Variants in BLK observed in about 807,000 individuals in gnomAD.
BLK encodes the protein tyrosine-protein kinase Blk.
A neutral mutation model predicts 61.8 loss-of-function variants in BLK; 64 were observed. The observed-to-expected ratio is 1.03, with a 90% CI of 0.85 to 1.27. BLK has a LOEUF of 1.27. BLK is among the 50% of genes most tolerant of loss of function. The probability of loss-of-function intolerance (pLI) is 0.00; values close to 1 mark genes in which losing one functional copy is unlikely to be tolerated. For missense variants in BLK, 853 were observed against 660.5 expected (o/e 1.29, Z -3.19); for synonymous variants, 351 against 272.0 (o/e 1.29, Z -2.86).
intron 9 of BLK, among the ~76,000 whole-genome samples, chr8:11,557,350 T>A (rs758034639): frequency 1.3e-5 from 2 of 152,188 alleles, no homozygotes; most frequent in African/African-American, 2.4e-5. Flanking sequence ...ACACTGCTCC[T>A]ATAGGATCCT....
At chr8:11,506,275 A>G (rs2280805) in intron 1 of BLK, among the ~76,000 whole-genome samples, 1 of 152,162 alleles carries the variant, frequency 6.6e-6, no homozygotes, top group South Asian at 2.1e-4. Context: ...GGACAATGCC[A>G]GGGCTTTTTG....
chr8:11,511,732 A>G (rs1799015544), intron 1 of BLK, among the ~76,000 whole-genome samples: 1 of 152,206 alleles, frequency 6.6e-6, no homozygotes, highest in South Asian at 2.1e-4. Context: ...AAAAGGAGAA[A>G]ATTATATTTT....
Position 11,555,875 on chromosome 8 carries a change from C to T in BLK, c.772+391C>T, listed in dbSNP as rs1029600885. 9.1e-5 allele frequency: 31 copies of T among 341,982 alleles called. No homozygotes were observed. In the Admixed American group the frequency reaches 1.1e-3, roughly 12 times the overall value. 21.2% of individuals were successfully genotyped at this position (341,982 alleles called of 1,614,324 possible). On this transcript the variant is annotated intron_variant, in intron 8 of 12. Coordinates refer to ENST00000259089, the MANE Select transcript of BLK (RefSeq NM_001715.3). ...GATGTTCCAGAGCCTGAGTGCACAC[C>T]GAGGGCAGCCGTGGGACTTTGGCCA... is the stretch of plus-strand genomic sequence containing the variant.
chr8:11,560,908 G>A, intron 10 of BLK: 1 of 470,512 alleles, frequency 2.1e-6, no homozygotes, highest in Non-Finnish European at 4.2e-6. Flanking sequence ...CTTCCAGCCA[G>A]CCAGTGAGAG....
Position 11,562,990 on chromosome 8 carries a change from C to T in BLK, c.1192C>T (p.Pro398Ser). The T allele has an allele frequency of 6.2e-7, 1 of 1,614,130 alleles. No homozygotes were observed. The highest frequency in any genetic ancestry group is 8.5e-7 in the Non-Finnish European group (1 of 1,180,034). Residue 398 changes from proline to serine, a missense_variant, in exon 12 of 13, where the codon CCC becomes TCC. Coordinates refer to ENST00000259089, the MANE Select transcript of BLK (RefSeq NM_001715.3). ...GGCTTTTCCCACAGGGGCCAAGTTC[C>T]CCATCAAGTGGACAGCCCCGGAAGC... ...EYTAQEGAKFPIKWTAPEAIH... is the reference protein window; with the variant it reads ...EYTAQEGAKFSIKWTAPEAIH...
In BLK at chr8:11,548,051, T is replaced by G; in HGVS notation, c.195T>G (p.Ala65=). The change falls in exon 4 of 13, where the codon GCT becomes GCG. Residue 65 remains alanine, a synonymous_variant. Coordinates refer to ENST00000259089, the MANE Select transcript of BLK (RefSeq NM_001715.3). ...HLDEDKHFVV[A]LYDYTAMNDR... Reference sequence around the variant, plus strand: ...TTTTAGACAAGCATTTCGTGGTGGCTCTGTATGACTACACCGCTATGAATG... The same window carrying G: ...TTTTAGACAAGCATTTCGTGGTGGCGCTGTATGACTACACCGCTATGAATG... The G allele has an allele frequency of 6.2e-7, 1 of 1,614,044 alleles. No homozygotes were observed. The highest frequency in any genetic ancestry group is 8.5e-7 in the Non-Finnish European group (1 of 1,179,984).
At chr8:11,508,301 G>A (rs1408123692) in intron 1 of BLK, among the ~76,000 whole-genome samples, 1 of 152,176 alleles carries the variant, frequency 6.6e-6, no homozygotes, top group Admixed American at 6.5e-5. Flanking sequence ...GCTACTGGGG[G>A]TAGATCAAGA....
At chr8:11,556,262 C>T in intron 8 of BLK, 1 of 309,886 alleles carries the variant, frequency 3.2e-6, no homozygotes, top group South Asian at 3.1e-5. Context: ...GGGAAGGAGA[C>T]CCCCATGCGT....
At chr8:11,525,193 G>GT (rs1799609202) in intron 1 of BLK, among the ~76,000 whole-genome samples, 1 of 152,126 alleles carries the variant, frequency 6.6e-6, no homozygotes, top group African/African-American at 2.4e-5. Flanking sequence ...GCACACAGAC[G>GT]TATTTGCTTT....
At position 11,494,506 on chromosome 8, in the gene BLK, T is replaced by C. The variant is rs1798291807; in HGVS notation, c.-87T>C. On this transcript the variant is annotated 5_prime_UTR_variant, in exon 1 of 13. Coordinates refer to ENST00000259089, the MANE Select transcript of BLK (RefSeq NM_001715.3). The stretch of plus-strand genomic sequence containing the variant: ...TTTGCTTTAGGATGGTGTTGGAAGT[T>C]GCTCGTTGTCGCTAGGAGCCTGCTC... 1 of 152,284 alleles carries C rather than the reference T, an allele frequency of 6.6e-6. No homozygotes were observed. The highest frequency in any genetic ancestry group is 2.1e-4 in the South Asian group (1 of 4,836). 9.4% of individuals were successfully genotyped at this position (152,284 alleles called of 1,614,324 possible). A position where few individuals can be genotyped will look rare whatever the true frequency, so the allele number is the denominator to read the frequency against.
intron 2 of BLK, 116 bp from the exon 3 acceptor site, chr8:11,545,936 C>T: frequency 1.8e-6 from 2 of 1,094,056 alleles, no homozygotes; most frequent in Non-Finnish European, 1.4e-6. Flanking sequence ...AGCTGCCTCT[C>T]CTCCTTCAGT....
chr8:11,534,880 G>A (rs1800047777), intron 1 of BLK, among the ~76,000 whole-genome samples: 1 of 152,124 alleles, frequency 6.6e-6, no homozygotes, highest in Non-Finnish European at 1.5e-5. Context: ...TAAAAGTATT[G>A]CACAAGGAGG....
intron 1 of BLK, among the ~76,000 whole-genome samples, chr8:11,533,358 G>T (rs187129600): frequency 6.6e-6 from 1 of 152,038 alleles, no homozygotes; most frequent in African/African-American, 2.4e-5. Context: ...CTCACTGCAC[G>T]CTCCCTTCTT....
intron 12 of BLK, 97 bp from the exon 13 acceptor site, chr8:11,563,806 C>G (rs1007025388): frequency 4.0e-6 from 5 of 1,250,654 alleles, no homozygotes; most frequent in Non-Finnish European, 5.6e-6. Flanking sequence ...ACTGCTGTCC[C>G]TTGCCTGGGC....
At chr8:11,519,141 C>G (rs1292458286) in intron 1 of BLK, among the ~76,000 whole-genome samples, 3 of 152,220 alleles carry the variant, frequency 2.0e-5, no homozygotes, top group Admixed American at 1.3e-4. Flanking sequence ...GAGCTGCCAG[C>G]TGTGGCCTCC....
intron 8 of BLK, chr8:11,555,849 T>C: frequency 2.7e-6 from 1 of 364,420 alleles, no homozygotes; most frequent in Non-Finnish European, 5.4e-6. Context: ...TGATGAGCCA[T>C]GATGTTCCAG....
intron 11 of BLK, among the ~76,000 whole-genome samples, chr8:11,562,373 C>T (rs558661903): frequency 6.6e-6 from 1 of 152,306 alleles, no homozygotes; most frequent in African/African-American, 2.4e-5. Flanking sequence ...CAGGATATGG[C>T]TTGTTCTCTC....
chr8:11,517,208 C>T lies in BLK; in HGVS notation c.-2+22617C>T, dbSNP rs866112176. On this transcript the variant is annotated intron_variant, in intron 1 of 12. Coordinates refer to ENST00000259089, the MANE Select transcript of BLK (RefSeq NM_001715.3). ...AGGTGGCTTAGACCCGGCTCTCGGCCAAGGCAGAGAGATGTCCATTCCTGG... is the reference window on the plus strand; with the variant it reads ...AGGTGGCTTAGACCCGGCTCTCGGCTAAGGCAGAGAGATGTCCATTCCTGG... 1.3e-4 allele frequency among the ~76,000 whole-genome samples: 20 copies of T among 152,294 alleles called. 1 individual carries two copies. The South Asian group carries it at 2.3e-3, about 17-fold the overall frequency.
chr8:11,556,250 G>A (rs903064306), intron 8 of BLK: 8 of 310,936 alleles, frequency 2.6e-5, no homozygotes, highest in Non-Finnish European at 3.8e-5. Flanking sequence ...GCTTCAGAAG[G>A]AGGGAAGGAG....
Sources: allele counts gnomAD v4.1 joint callset (sites outside exome capture counted in the v4.1 genomes callset), GRCh38; gene constraint gnomAD v4.1.1; transcripts MANE v1.5; gene names NCBI Gene and HGNC (gene_info 2026-07-23, HGNC 2026-07-21).